The following KAZN variants were observed in gnomAD, a reference collection of about 807,000 sequenced individuals.
KAZN encodes kazrin.
A neutral mutation model predicts 87.4 loss-of-function variants in KAZN; 40 were observed. The ratio of observed to expected loss-of-function variants is 0.46; its 90% CI spans 0.36 to 0.60. KAZN has a LOEUF of 0.60. Ranked by LOEUF, KAZN falls within the 20% of genes least tolerant of loss-of-function variation. The pLI, the probability that KAZN is intolerant of heterozygous loss-of-function variation, is 0.00. For synonymous variants in KAZN, 466 were observed against 458.3 expected, an observed-to-expected ratio of 1.02 and a Z score of -0.22; for missense variants, 898 against 1,073.9, an observed-to-expected ratio of 0.84 and a Z score of 2.29.
At chr1:14,113,382 G>GT (rs1644540783) in intron 1 of KAZN, among the ~76,000 whole-genome samples, 1 of 152,170 alleles carries the variant, frequency 6.6e-6, no homozygotes, top group African/African-American at 2.4e-5. Flanking sequence ...TCTCAGCTGA[G>GT]TTTTCCAAAT....
chr1:13,976,749 C>T (rs1169737109), intron 1 of KAZN, among the ~76,000 whole-genome samples: 2 of 151,974 alleles, frequency 1.3e-5, no homozygotes, highest in South Asian at 2.1e-4. Flanking sequence ...AAGTGTGTAT[C>T]GATGCATCCA....
At chr1:14,543,683 T>C (rs959532970) in intron 2 of KAZN, among the ~76,000 whole-genome samples, 5 of 152,222 alleles carry the variant, frequency 3.3e-5, no homozygotes, top group African/African-American at 1.2e-4. Context: ...ATGAGTCTTG[T>C]GCAATAGTTA....
intron 2 of KAZN, among the ~76,000 whole-genome samples, chr1:14,311,222 A>G (rs989769588): frequency 1.3e-5 from 2 of 152,178 alleles, no homozygotes; most frequent in Non-Finnish European, 2.9e-5. Context: ...TTGCATTCAG[A>G]TAGATCTGGA....
intron 1 of KAZN, among the ~76,000 whole-genome samples, chr1:13,966,998 T>C (rs1641970212): frequency 6.6e-6 from 1 of 152,162 alleles, no homozygotes; most frequent in African/African-American, 2.4e-5. Flanking sequence ...GTATAACTGG[T>C]CCCACCCCAC....
intron 1 of KAZN, among the ~76,000 whole-genome samples, chr1:14,084,637 G>A (rs1012891845): frequency 5.7e-4 from 86 of 149,894 alleles, no homozygotes; most frequent in African/African-American, 2.0e-3. Flanking sequence ...ACTTCAATCT[G>A]TAACTTTAAA....
intron 2 of KAZN, among the ~76,000 whole-genome samples, chr1:14,229,364 T>C (rs894078562): frequency 7.2e-5 from 11 of 152,220 alleles, no homozygotes; most frequent in Non-Finnish European, 1.5e-4. Context: ...TTCGTGAAAA[T>C]ATAACATTTT....
intron 1 of KAZN, among the ~76,000 whole-genome samples, chr1:13,927,948 G>A (rs566612798): frequency 6.6e-6 from 1 of 152,308 alleles, no homozygotes; most frequent in African/African-American, 2.4e-5. Flanking sequence ...AAGATTCTAT[G>A]GTGGGAACAA....
intron 1 of KAZN, among the ~76,000 whole-genome samples, chr1:13,976,119 T>C (rs1266735404): frequency 6.6e-6 from 1 of 152,244 alleles, no homozygotes; most frequent in African/African-American, 2.4e-5. Flanking sequence ...AATGTCTTCG[T>C]GAGAATTCTT....
rs1163097354 is a variant in KAZN at position 14,941,432 on chromosome 1, A to G, written c.227-19252A>G. Reference sequence around the variant, plus strand: ...GATTACAAAAAAGAGGAGGGCAAAGATGGAACAATACATTAACTGCCGACC... The same window carrying G: ...GATTACAAAAAAGAGGAGGGCAAAGGTGGAACAATACATTAACTGCCGACC... On this transcript the variant is annotated intron_variant, in intron 1 of 14. Transcript: ENST00000376030. Among the ~76,000 whole-genome samples the G allele has an allele frequency of 9.9e-5, 15 of 152,236 alleles. No individual in the cohort carries two copies. In the East Asian group the frequency reaches 2.7e-3, roughly 28 times the overall value.
chr1:14,927,912 A>G (rs1179470318), intron 1 of KAZN, among the ~76,000 whole-genome samples: 1 of 152,062 alleles, frequency 6.6e-6, no homozygotes. Flanking sequence ...GGCTCCCAGC[A>G]CTGTACCCTT....
chr1:14,858,203 C>CTTTCTTTTTT (rs1650367076), intron 1 of KAZN, among the ~76,000 whole-genome samples: 1 of 95,104 alleles, frequency 1.1e-5, no homozygotes, highest in African/African-American at 5.3e-5. Flanking sequence ...TTTCTTTTTT[C>CTTTCTTTTTT]TTTTTCTTTT....
At chr1:14,718,137 G>C (rs1340549461) in intron 1 of KAZN, among the ~76,000 whole-genome samples, 1 of 152,216 alleles carries the variant, frequency 6.6e-6, no homozygotes, top group African/African-American at 2.4e-5. Flanking sequence ...TTCCTGTCCA[G>C]TCGCATTTTC....
chr1:14,873,028 G>C (rs1001613470), intron 1 of KAZN, among the ~76,000 whole-genome samples: 4 of 140,590 alleles, frequency 2.8e-5, no homozygotes, highest in Non-Finnish European at 6.1e-5. Context: ...GGATGGGTGG[G>C]TGGATAGATA....
At chr1:14,939,934 G>C (rs1039049305) in intron 1 of KAZN, among the ~76,000 whole-genome samples, 1 of 152,218 alleles carries the variant, frequency 6.6e-6, no homozygotes, top group Admixed American at 6.5e-5. Context: ...AGGAGTGCCA[G>C]GTTCCAAAGG....
intron 1 of KAZN, among the ~76,000 whole-genome samples, chr1:14,152,744 T>TA (rs1405960670): frequency 2.0e-5 from 3 of 152,218 alleles, no homozygotes; most frequent in Admixed American, 6.5e-5. Flanking sequence ...GCTCTAATTT[T>TA]AGTTTTTTGA....
chr1:14,382,649 G>C (rs12745096), intron 2 of KAZN, among the ~76,000 whole-genome samples: 39,073 of 137,278 alleles, frequency 0.28, 6,423 homozygotes, highest in East Asian at 0.71. Context: ...GACATGAACT[G>C]ATCATTTTTT....
At chr1:14,928,958 G>C (rs983376999) in intron 1 of KAZN, among the ~76,000 whole-genome samples, 4 of 152,224 alleles carry the variant, frequency 2.6e-5, no homozygotes, top group Admixed American at 6.5e-5. Flanking sequence ...AGTGGGTACA[G>C]GGCACCAGTT....
chr1:14,139,895 G>A (rs947928465), intron 1 of KAZN, among the ~76,000 whole-genome samples: 1 of 151,878 alleles, frequency 6.6e-6, no homozygotes, highest in Admixed American at 6.6e-5. Context: ...ATTTACTCAA[G>A]TGTGGGAGGA....
intron 1 of KAZN, among the ~76,000 whole-genome samples, chr1:13,933,356 G>A (rs1640601197): frequency 6.6e-6 from 1 of 152,086 alleles, no homozygotes; most frequent in South Asian, 2.1e-4. Context: ...GCCAGGCGTG[G>A]TGGCGCATGA....
Sources: gnomAD v4.1 joint callset for allele counts (sites outside exome capture counted in the v4.1 genomes callset) on GRCh38, gnomAD v4.1.1 for gene constraint, MANE v1.5 for transcripts, NCBI Gene and HGNC (gene_info 2026-07-23, HGNC 2026-07-21) for gene names.